Variants in PTK7 observed in about 807,000 individuals in gnomAD.
The protein encoded by PTK7 is protein tyrosine kinase 7 (inactive).
A neutral mutation model predicts 116.6 loss-of-function variants in PTK7; 39 were observed. The ratio of observed to expected loss-of-function variants is 0.33; its 90% CI spans 0.26 to 0.44. The LOEUF (loss-of-function observed/expected upper bound fraction) is 0.44. PTK7 is among the 20% of genes least tolerant of loss of function. The pLI is 1.00. For missense variants in PTK7, 1,169 were observed against 1,425.6 expected (o/e 0.82, Z 2.90); for synonymous variants, 546 against 563.6 (o/e 0.97, Z 0.44).
chr6:43,118,620 C>CTCT (rs1768709669), intron 1 of PTK7, among the ~76,000 whole-genome samples: 1 of 63,334 alleles, frequency 1.6e-5, no homozygotes, highest in Non-Finnish European at 3.1e-5. Flanking sequence ...AATATTTTAA[C>CTCT]CTCTCTCTCT....
At chr6:43,137,731 C>G (rs1030367645) in intron 7 of PTK7, among the ~76,000 whole-genome samples, 2 of 152,132 alleles carry the variant, frequency 1.3e-5, no homozygotes, top group African/African-American at 4.8e-5. Context: ...TCATATAGAC[C>G]AGAGTTTTAA....
At chr6:43,095,547 G>A (rs927450694) in intron 1 of PTK7, among the ~76,000 whole-genome samples, 1 of 152,160 alleles carries the variant, frequency 6.6e-6, no homozygotes, top group Non-Finnish European at 1.5e-5. Flanking sequence ...AAGGAAAGGG[G>A]CCAATTTATG....
At position 43,145,163 on chromosome 6, in the gene PTK7, G is replaced by A. The variant is rs1424503061; in HGVS notation, c.2408-37G>A. 1 of 1,554,362 alleles carries A rather than the reference G, an allele frequency of 6.4e-7. No homozygotes were observed. The highest frequency in any genetic ancestry group is 8.7e-7 in the Non-Finnish European group (1 of 1,145,162). ...CCAGGTCAGGAGCTGCCTCGGCCTGGGTGAAGGTGGCTGGCTGACTCAGAC... is the reference window on the plus strand; with the variant it reads ...CCAGGTCAGGAGCTGCCTCGGCCTGAGTGAAGGTGGCTGGCTGACTCAGAC... On this transcript the variant is annotated intron_variant, in intron 15 of 19. Coordinates refer to ENST00000230419, the MANE Select transcript of PTK7 (RefSeq NM_002821.5). This position sits in a 1 kb window ranked among gnomAD's most constrained non-coding sequence, Gnocchi z 4.8.
chr6:43,098,023 C>T (rs1767352799), intron 1 of PTK7, among the ~76,000 whole-genome samples: 1 of 152,070 alleles, frequency 6.6e-6, no homozygotes, highest in Non-Finnish European at 1.5e-5. Flanking sequence ...CTTTTCTGAA[C>T]TGTGTTTATT....
At chr6:43,131,848 T>C in intron 5 of PTK7, 168 bp from the exon 6 acceptor site, 1 of 867,456 alleles carries the variant, frequency 1.2e-6, no homozygotes, top group Non-Finnish European at 1.8e-6. Context: ...TGAGCAAGTG[T>C]ATGCAGGCAC....
chr6:43,142,685 G>T, intron 13 of PTK7: 1 of 330,142 alleles, frequency 3.0e-6, no homozygotes, highest in Non-Finnish European at 5.9e-6. Context: ...TCAGGTAAAA[G>T]GCCCTGCACT....
In PTK7 at chr6:43,144,498, G is replaced by A. The variant is rs775883985; in HGVS notation, c.2299G>A (p.Val767Met). ...GCCCTCAGCAGAGATCCAAGAAGAA[G>A]TGGCCTTGACCAGCTTGGGCTCCGG... ...GQPSAEIQEE[V>M]ALTSLGSGPA... Residue 767 changes from valine to methionine, a missense_variant, in exon 15 of 20, where the codon GTG (valine) becomes ATG (methionine). Physicochemically the swap from Val to Met is conservative, Grantham distance 21. Around this residue, in one of 3 missense-constraint regions of PTK7, gnomAD observed 678 missense variants for 853.8 expected, o/e 0.79. Coordinates refer to ENST00000230419, the MANE Select transcript of PTK7 (RefSeq NM_002821.5). The A allele has an allele frequency of 6.2e-6, 10 of 1,614,172 alleles. No individual in the cohort carries two copies. The East Asian group carries it at 1.6e-4, about 25-fold the overall frequency.
intron 1 of PTK7, among the ~76,000 whole-genome samples, chr6:43,080,100 C>G (rs1459072424): frequency 6.6e-6 from 1 of 150,666 alleles, no homozygotes; most frequent in Non-Finnish European, 1.5e-5. Context: ...CGCCTGTAAT[C>G]CCAGCACTTT....
chr6:43,107,774 T>C (rs1440244547), intron 1 of PTK7, among the ~76,000 whole-genome samples: 1 of 152,226 alleles, frequency 6.6e-6, no homozygotes, highest in East Asian at 1.9e-4. Flanking sequence ...GTTGGGATAA[T>C]GCGACCAAAT....
chr6:43,082,544 C>T (rs1204572010), intron 1 of PTK7, among the ~76,000 whole-genome samples: 2 of 152,178 alleles, frequency 1.3e-5, no homozygotes, highest in Non-Finnish European at 2.9e-5. Context: ...CTGGCCTAGG[C>T]ATCCTTCTTT....
chr6:43,120,604 G>T (rs962249807), intron 1 of PTK7, among the ~76,000 whole-genome samples: 1 of 152,178 alleles, frequency 6.6e-6, no homozygotes, highest in Non-Finnish European at 1.5e-5. Flanking sequence ...TACTAAGTGG[G>T]CTCTGAGGAT....
In PTK7 at chr6:43,118,677, ATATATATATATG is replaced by A. The variant is rs1461078608; in HGVS notation, c.80-10292_80-10281del. On this transcript the variant is annotated intron_variant, in intron 1 of 19. Transcript: ENST00000230419. The stretch of plus-strand genomic sequence containing the variant: ...TCTCTCTCTATATATATATATATAT[ATATATATATATG>A]TATATATGTATATATGTCTGTATAT... Among the ~76,000 whole-genome samples the A allele has an allele frequency of 3.3e-3, 390 of 118,944 alleles. 2 individuals are homozygous for A. The highest frequency in any genetic ancestry group is 0.013 in the East Asian group (35 of 2,622). The allele number at this position is 118,944 out of a possible 152,430, so 78.0% of individuals were successfully genotyped here. A position where few individuals can be genotyped will look rare whatever the true frequency, so the allele number is the denominator to read the frequency against.
intron 1 of PTK7, among the ~76,000 whole-genome samples, chr6:43,100,213 C>G (rs974900909): frequency 2.0e-5 from 3 of 151,988 alleles, no homozygotes; most frequent in South Asian, 4.1e-4. Context: ...GAAACCCCGT[C>G]TCTACTAAAA....
At chr6:43,084,834 T>C (rs1409082893) in intron 1 of PTK7, among the ~76,000 whole-genome samples, 1 of 152,192 alleles carries the variant, frequency 6.6e-6, no homozygotes. Context: ...CATTGCTGAA[T>C]AGATGTAGTC....
Position 43,141,561 on chromosome 6 carries a change from G to GC in PTK7, c.1619-107_1619-106insC. 7.3e-7 allele frequency: 1 copy of GC among 1,362,834 alleles called. No homozygotes were observed. The highest frequency in any genetic ancestry group is 1.3e-5 in the South Asian group (1 of 74,778). The allele number at this position is 1,362,834 out of a possible 1,614,324, so 84.4% of individuals were successfully genotyped here. On this transcript the variant is annotated intron_variant, in intron 10 of 19. Transcript: ENST00000230419. The surrounding 1 kb of genome is among the most constrained non-coding windows in gnomAD (Gnocchi z 4.9). ...GGAGTTTGGACTTTGCCTGTGGGTGGTCAGGAGCGATGGTGTGTTTTTGAG... is the reference window on the plus strand; with the variant it reads ...GGAGTTTGGACTTTGCCTGTGGGTGGCTCAGGAGCGATGGTGTGTTTTTGAG...
At chr6:43,131,930 C>A (rs1239726241) in intron 5 of PTK7, 86 bp from the exon 6 acceptor site, 21 of 1,564,680 alleles carry the variant, frequency 1.3e-5, no homozygotes, top group Non-Finnish European at 1.8e-5. Flanking sequence ...ACATTTCCGA[C>A]TTTGCAGGAA....
intron 1 of PTK7, among the ~76,000 whole-genome samples, chr6:43,102,019 G>C (rs1375765767): frequency 1.3e-5 from 2 of 148,158 alleles, no homozygotes; most frequent in Admixed American, 6.7e-5. Flanking sequence ...AACATGGTGA[G>C]ACCCCGTTTC....
At chr6:43,122,065 C>T (rs904326636) in intron 1 of PTK7, among the ~76,000 whole-genome samples, 1 of 152,150 alleles carries the variant, frequency 6.6e-6, no homozygotes, top group African/African-American at 2.4e-5. Flanking sequence ...TTGCTTGGGC[C>T]TCGGAGGTTG....
Position 43,161,138 on chromosome 6 carries a change from G to A in PTK7, c.*257G>A. The stretch of plus-strand genomic sequence containing the variant: ...TTCCCTGCCACCTCTTCCTCTATCA[G>A]GGACAGTGTGGGTGCCACAGGTAAC... On this transcript the variant is annotated 3_prime_UTR_variant, in exon 20 of 20. Coordinates refer to ENST00000230419, the MANE Select transcript of PTK7 (RefSeq NM_002821.5). 2.2e-6 allele frequency: 1 copy of A among 452,620 alleles called. No individual in the cohort carries two copies. The highest frequency in any genetic ancestry group is 3.9e-6 in the Non-Finnish European group (1 of 253,604). The allele number at this position is 452,620 out of a possible 1,614,324, so 28.0% of individuals were successfully genotyped here.
Sources: allele counts gnomAD v4.1 joint callset (sites outside exome capture counted in the v4.1 genomes callset), GRCh38; gene constraint gnomAD v4.1.1; regional missense constraint gnomAD v4.1.1; non-coding constraint Gnocchi (gnomAD v3.1); transcripts MANE v1.5; gene names NCBI Gene and HGNC (gene_info 2026-07-23, HGNC 2026-07-21).